APP: variants seen among roughly 807,000 people sequenced by gnomAD.
APP encodes the protein amyloid beta precursor protein, also known as amyloid-beta precursor protein.
APP carries 31 observed loss-of-function variants against 101.4 expected under a neutral mutation model. The observed-to-expected ratio is 0.31, with a 90% CI of 0.23 to 0.41. APP has a LOEUF of 0.41. Among genes scored for constraint, APP ranks in the 10% least tolerant of loss-of-function variants. The pLI is 1.00. For synonymous variants in APP, 366 were observed against 364.4 expected (o/e 1.00, Z -0.05); for missense variants, 839 against 1,003.7 (o/e 0.84, Z 2.22).
At chr21:26,123,391 G>C (rs145022075) in intron 1 of APP, among the ~76,000 whole-genome samples, 3 of 152,242 alleles carry the variant, frequency 2.0e-5, no homozygotes, top group Admixed American at 6.5e-5. Flanking sequence ...CTTGTTCATT[G>C]TTCAAATTGT....
At chr21:25,969,592 C>T (rs563129288) in intron 11 of APP, among the ~76,000 whole-genome samples, 9 of 151,926 alleles carry the variant, frequency 5.9e-5, no homozygotes, top group African/African-American at 1.7e-4. Flanking sequence ...GTAATATCAG[C>T]ACTTTAAAAA....
intron 2 of APP, among the ~76,000 whole-genome samples, chr21:26,092,151 G>GT (rs1002350171): frequency 1.3e-5 from 2 of 152,074 alleles, no homozygotes; most frequent in Non-Finnish European, 2.9e-5. Flanking sequence ...TCATCATGGA[G>GT]TTTTTTTGCA....
At chr21:25,888,392 A>G (rs576592903) in intron 17 of APP, among the ~76,000 whole-genome samples, 1 of 152,164 alleles carries the variant, frequency 6.6e-6, no homozygotes, top group Non-Finnish European at 1.5e-5. Flanking sequence ...TTCAGGTTCT[A>G]CCATCCCAGC....
Position 26,002,236 on chromosome 21 carries a change from C to T in APP, c.866-2054G>A, listed in dbSNP as rs776214415. On this transcript the variant is annotated intron_variant, in intron 6 of 17. Coordinates refer to ENST00000346798, the MANE Select transcript of APP (RefSeq NM_000484.4). ...ATTTCTCCTGCGGAGTGTTTGACAC[C>T]TTCTGGGCTTAGTGCTGACTGTCCC... Among the ~76,000 whole-genome samples, 150 of 152,328 alleles carry T rather than the reference C, an allele frequency of 9.8e-4. 1 individual carries two copies. Among genetic ancestry groups the T allele is most frequent in the Admixed American group, 1.2e-3 (19 of 15,304 alleles).
At chr21:25,968,708 A>G (rs1267254330) in intron 11 of APP, among the ~76,000 whole-genome samples, 8 of 152,202 alleles carry the variant, frequency 5.3e-5, no homozygotes, top group Non-Finnish European at 8.8e-5. Flanking sequence ...AAAACTGAGT[A>G]AAAGTATGAT....
intron 3 of APP, among the ~76,000 whole-genome samples, chr21:26,063,950 T>C (rs2046365364): frequency 6.6e-6 from 1 of 152,232 alleles, no homozygotes; most frequent in Non-Finnish European, 1.5e-5. Flanking sequence ...GATAAACACG[T>C]ACCCTTGATA....
At chr21:25,903,430 A>C (rs2038620279) in intron 15 of APP, among the ~76,000 whole-genome samples, 1 of 152,184 alleles carries the variant, frequency 6.6e-6, no homozygotes, top group Admixed American at 6.5e-5. Flanking sequence ...ATTGACTGGT[A>C]GTGTCACCTG....
rs75141543 is a variant in APP, at chr21:26,032,803, A to T, written c.663-10761T>A. ...GGGGCTTATTATTTTAGAAAAAAAA[A>T]AAATATATATATATATATAAAGAGC... is the stretch of plus-strand genomic sequence containing the variant. On this transcript the variant is annotated intron_variant, in intron 5 of 17. Coordinates refer to ENST00000346798, the MANE Select transcript of APP (RefSeq NM_000484.4). Among the ~76,000 whole-genome samples the T allele has an allele frequency of 4.5e-3, 580 of 127,734 alleles. 10 individuals carry two copies. In the South Asian group the frequency reaches 0.053, roughly 12 times the overall value. The allele number at this position is 127,734 out of a possible 152,430, so 83.8% of individuals were successfully genotyped here.
chr21:26,118,884 GAA>G (rs5843211), intron 1 of APP, among the ~76,000 whole-genome samples: 3 of 149,204 alleles, frequency 2.0e-5, no homozygotes, highest in Admixed American at 6.7e-5. Flanking sequence ...TCACCAAAGG[GAA>G]AAAAAAATGA....
intron 1 of APP, chr21:26,169,245 GC>G (rs1478204142): frequency 6.6e-6 from 1 of 152,278 alleles, no homozygotes; most frequent in African/African-American, 2.4e-5. Flanking sequence ...TCACTAGGCT[GC>G]AGCCTCCACA....
intron 5 of APP, among the ~76,000 whole-genome samples, chr21:26,033,482 T>C (rs574444270): frequency 6.6e-6 from 1 of 152,278 alleles, no homozygotes; most frequent in South Asian, 2.1e-4. Context: ...TATAGCAGTG[T>C]GAAAATGGAC....
chr21:26,083,356 T>G (rs973023500), intron 3 of APP, among the ~76,000 whole-genome samples: 1 of 152,232 alleles, frequency 6.6e-6, no homozygotes, highest in Non-Finnish European at 1.5e-5. Context: ...TTAAAAATTA[T>G]GCTCTCCAAG....
intron 3 of APP, among the ~76,000 whole-genome samples, chr21:26,085,605 CAT>C (rs989676772): frequency 6.6e-6 from 1 of 152,172 alleles, no homozygotes; most frequent in Non-Finnish European, 1.5e-5. Context: ...GGTGAACTCT[CAT>C]GTGACATTTC....
intron 1 of APP, 71 bp from the exon 2 acceptor site, chr21:26,112,217 A>G: frequency 6.6e-7 from 1 of 1,505,264 alleles, no homozygotes; most frequent in Non-Finnish European, 9.2e-7. Context: ...AAGAACAGGG[A>G]TAACTATCAA....
intron 11 of APP, among the ~76,000 whole-genome samples, chr21:25,961,047 C>T (rs1389195959): frequency 6.6e-6 from 1 of 152,088 alleles, no homozygotes; most frequent in East Asian, 1.9e-4. Flanking sequence ...ATTCTTGGGG[C>T]CCCCAAATCA....
intron 1 of APP, among the ~76,000 whole-genome samples, chr21:26,135,799 C>G (rs886297378): frequency 1.3e-5 from 2 of 152,068 alleles, no homozygotes; most frequent in African/African-American, 4.8e-5. Flanking sequence ...AACGAAGCCC[C>G]AGAGAGCCCT....
At chr21:26,001,894 G>A (rs1242671624) in intron 6 of APP, among the ~76,000 whole-genome samples, 32 of 3,410 alleles carry the variant, frequency 9.4e-3, no homozygotes, top group Admixed American at 0.021. Flanking sequence ...TGCTCTGTCA[G>A]TAACTCAGAG....
rs527835142 is a variant in APP, at chr21:26,078,984, G to C, written c.355+10959C>G. On this transcript the variant is annotated intron_variant, in intron 3 of 17. Coordinates refer to ENST00000346798, the MANE Select transcript of APP (RefSeq NM_000484.4). ...CTTGAACCCAGGAGGCGGAGGTTGG[G>C]GTGAGCTGAGATTGTGCCATTGCAC... Among the ~76,000 whole-genome samples the C allele has an allele frequency of 9.3e-5, 14 of 151,104 alleles. No individual in the cohort carries two copies. The East Asian group carries it at 2.7e-3, about 29-fold the overall frequency.
chr21:25,883,617 C>T (rs2037135301), intron 17 of APP, among the ~76,000 whole-genome samples: 2 of 150,970 alleles, frequency 1.3e-5, no homozygotes, highest in Non-Finnish European at 3.0e-5. Context: ...TGCTTGAACC[C>T]AGGAGGCTGA....
Sources: allele counts gnomAD v4.1 joint callset (sites outside exome capture counted in the v4.1 genomes callset), GRCh38; gene constraint gnomAD v4.1.1; transcripts MANE v1.5; gene names NCBI Gene and HGNC (gene_info 2026-07-23, HGNC 2026-07-21).